The following RCC1L variants were observed in gnomAD, a reference collection of about 807,000 sequenced individuals.
RCC1L encodes RCC1 like.
In RCC1L, 46 loss-of-function variants were observed where a neutral mutation model predicts 58.6. That is an observed-to-expected ratio of 0.79 (90% CI 0.62 to 1.00). The LOEUF (loss-of-function observed/expected upper bound fraction) is 1.00, where lower values mean the gene tolerates loss of function less well. Ranked by LOEUF, RCC1L falls within the 50% of genes least tolerant of loss-of-function variation. RCC1L has a pLI of 0.00. For missense variants in RCC1L, 636 were observed against 623.6 expected, an observed-to-expected ratio of 1.02 and a Z score of -0.21; for synonymous variants, 281 against 262.9, an observed-to-expected ratio of 1.07 and a Z score of -0.67.
intron 10 of RCC1L, among the ~76,000 whole-genome samples, chr7:75,032,021 T>G (rs1805318729): frequency 6.6e-6 from 1 of 152,234 alleles, no homozygotes; most frequent in Admixed American, 6.5e-5. Flanking sequence ...CAAAGTGTTA[T>G]TTTTATTCCT....
At chr7:75,055,482 C>G (rs1445012518) in intron 9 of RCC1L, 2 of 221,074 alleles carry the variant, frequency 9.0e-6, no homozygotes, top group Non-Finnish European at 1.8e-5. Flanking sequence ...TTTGCCATCC[C>G]ATATCCTGGG....
At chr7:75,053,215 G>T (rs1584494701) in intron 9 of RCC1L, among the ~76,000 whole-genome samples, 1 of 118,756 alleles carries the variant, frequency 8.4e-6, no homozygotes, top group African/African-American at 3.3e-5. Context: ...AGGGCTGGGG[G>T]TAGTGCATGG....
At chr7:75,059,015 T>TA (rs1197804891) in intron 6 of RCC1L, among the ~76,000 whole-genome samples, 75,004 of 133,196 alleles carry the variant, frequency 0.56, 21,686 homozygotes, top group East Asian at 0.92. Flanking sequence ...TGTCTCTACT[T>TA]AAAAAAAAAA....
chr7:75,055,756 G>A (rs1334622899), intron 9 of RCC1L, 145 bp downstream of exon 9: 3 of 916,948 alleles, frequency 3.3e-6, no homozygotes, highest in Non-Finnish European at 5.2e-6. Context: ...ACAACTTCTG[G>A]CTTAGCCCTT....
chr7:75,035,194 C>G (rs1305365238), intron 10 of RCC1L, among the ~76,000 whole-genome samples: 1 of 152,154 alleles, frequency 6.6e-6, no homozygotes, highest in Non-Finnish European at 1.5e-5. Flanking sequence ...CCACACCCAG[C>G]TAATTTTTAT....
Position 75,067,302 on chromosome 7 carries a change from G to GA in RCC1L, c.455-511dup, listed in dbSNP as rs782322146. ...GGGGACAAGAGCGAGACTTCATCTG[G>GA]AAAAAAAAAAAAAATGCATACTTCG... On this transcript the variant is annotated intron_variant, in intron 2 of 10. Coordinates refer to ENST00000610322, the MANE Select transcript of RCC1L (RefSeq NM_030798.5). 3.2e-3 allele frequency among the ~76,000 whole-genome samples: 414 copies of GA among 129,394 alleles called. 1 individual carries two copies. Among genetic ancestry groups the GA allele is most frequent in the Middle Eastern group, 4.7e-3 (1 of 214 alleles). 84.9% of individuals were successfully genotyped at this position (129,394 alleles called of 152,430 possible). A position where few individuals can be genotyped will look rare whatever the true frequency, so the allele number is the denominator to read the frequency against.
intron 10 of RCC1L, among the ~76,000 whole-genome samples, chr7:75,034,174 T>C (rs1584484896): frequency 2.0e-5 from 3 of 152,046 alleles, no homozygotes; most frequent in Non-Finnish European, 1.5e-5. Flanking sequence ...AGGAATGCGG[T>C]AGAAAAAGCA....
chr7:75,048,091 A>C (rs1176678025), intron 10 of RCC1L, among the ~76,000 whole-genome samples: 1 of 150,122 alleles, frequency 6.7e-6, no homozygotes, highest in African/African-American at 2.4e-5. Flanking sequence ...ACATGGTGAA[A>C]CCTCATCTCT....
At chr7:75,063,734 C>T (rs1274400098) in intron 4 of RCC1L, among the ~76,000 whole-genome samples, 1 of 151,978 alleles carries the variant, frequency 6.6e-6, no homozygotes, top group Admixed American at 6.6e-5. Flanking sequence ...GCCTGGCCAA[C>T]ATGAAGAAAC....
intron 9 of RCC1L, among the ~76,000 whole-genome samples, 183 bp from the exon 10 acceptor site, chr7:75,052,979 A>G (rs1013556456): frequency 2.0e-5 from 3 of 150,908 alleles, no homozygotes; most frequent in African/African-American, 7.3e-5. Flanking sequence ...CTGTCCCCAT[A>G]TCGAAAACAC....
chr7:75,041,541 G>A (rs1336138366), downstream of RCC1L, among the ~76,000 whole-genome samples: 1 of 152,016 alleles, frequency 6.6e-6, no homozygotes, highest in Non-Finnish European at 1.5e-5. Flanking sequence ...CTGAACTGCG[G>A]GAGTAGAATC....
At chr7:75,048,829 G>A (rs1805825025) in intron 10 of RCC1L, among the ~76,000 whole-genome samples, 1 of 152,236 alleles carries the variant, frequency 6.6e-6, no homozygotes, top group Non-Finnish European at 1.5e-5. Context: ...GGCTCGCCCA[G>A]GGAGGTGGGT....
intron 3 of RCC1L, among the ~76,000 whole-genome samples, chr7:75,066,385 T>C (rs587683966): frequency 6.7e-6 from 1 of 150,140 alleles, no homozygotes; most frequent in African/African-American, 2.5e-5. Context: ...ACCCAGGAGG[T>C]GGAGCTTGCA....
At chr7:75,056,208 T>A (rs1806077143) in intron 8 of RCC1L, 134 bp from the exon 9 acceptor site, 1 of 1,062,536 alleles carries the variant, frequency 9.4e-7, no homozygotes, top group Non-Finnish European at 1.4e-6. Flanking sequence ...TTTGTTTTTT[T>A]CCTCCTTGCT....
chr7:75,039,191 T>C (rs1805491746), downstream of RCC1L, among the ~76,000 whole-genome samples: 1 of 152,200 alleles, frequency 6.6e-6, no homozygotes, highest in Non-Finnish European at 1.5e-5. Context: ...AGGCCAGGCC[T>C]CCTTTAGATG....
At chr7:75,041,139 G>A (rs1013401826), downstream of RCC1L, among the ~76,000 whole-genome samples, 6 of 151,976 alleles carry the variant, frequency 3.9e-5, no homozygotes, top group East Asian at 7.8e-4. Flanking sequence ...TGCTTGAACC[G>A]GGAGGCGGAG....
chr7:75,064,998 C>G (rs144592100), intron 3 of RCC1L, among the ~76,000 whole-genome samples: 1 of 152,050 alleles, frequency 6.6e-6, no homozygotes, highest in Non-Finnish European at 1.5e-5. Flanking sequence ...AAGTGAGGAG[C>G]GCCTCTGCCC....
intron 10 of RCC1L, among the ~76,000 whole-genome samples, chr7:75,031,398 T>A (rs1729060277): frequency 6.6e-6 from 1 of 152,180 alleles, no homozygotes; most frequent in African/African-American, 2.4e-5. Flanking sequence ...GCTTATTTTC[T>A]TGTTGAAGAA....
intron 6 of RCC1L, among the ~76,000 whole-genome samples, chr7:75,059,258 C>T (rs1584498525): frequency 6.7e-6 from 1 of 149,704 alleles, no homozygotes. Flanking sequence ...TAGTTGCATG[C>T]TCATACAACT....
Sources: allele counts gnomAD v4.1 joint callset (sites outside exome capture counted in the v4.1 genomes callset), GRCh38; gene constraint gnomAD v4.1.1; transcripts MANE v1.5; gene names NCBI Gene and HGNC (gene_info 2026-07-23, HGNC 2026-07-21).